Variants in ASIC2 observed in about 807,000 individuals in gnomAD.
ASIC2 encodes acid-sensing ion channel 2.
A neutral mutation model predicts 57.3 loss-of-function variants in ASIC2; 25 were observed. The observed-to-expected ratio is 0.44, with a 90% CI of 0.32 to 0.61. The LOEUF (loss-of-function observed/expected upper bound fraction) is 0.61, where lower values mean the gene tolerates loss of function less well. Ranked by LOEUF, ASIC2 falls within the 20% of genes least tolerant of loss-of-function variation. The pLI, the probability that ASIC2 is intolerant of heterozygous loss-of-function variation, is 0.06. For synonymous variants in ASIC2, 319 were observed against 307.5 expected (o/e 1.04, Z -0.39); for missense variants, 641 against 738.1 (o/e 0.87, Z 1.52).
chr17:33,599,486 G>A (rs1905071520), intron 1 of ASIC2, among the ~76,000 whole-genome samples: 1 of 152,218 alleles, frequency 6.6e-6, no homozygotes, highest in Non-Finnish European at 1.5e-5. Flanking sequence ...GGTCCTCAAG[G>A]CCACCAGGTC....
intron 1 of ASIC2, among the ~76,000 whole-genome samples, chr17:33,236,843 C>T (rs1908313389): frequency 6.6e-6 from 1 of 152,174 alleles, no homozygotes; most frequent in Non-Finnish European, 1.5e-5. Flanking sequence ...GGAACTCCTG[C>T]AGCCACCAGA....
intron 1 of ASIC2, among the ~76,000 whole-genome samples, chr17:33,969,163 G>A (rs1905153979): frequency 1.3e-5 from 2 of 152,180 alleles, no homozygotes; most frequent in Admixed American, 1.3e-4. Flanking sequence ...GTAAGATTAG[G>A]CATAAGATGC....
At chr17:33,325,677 C>G (rs1243696752) in intron 1 of ASIC2, among the ~76,000 whole-genome samples, 11 of 152,062 alleles carry the variant, frequency 7.2e-5, no homozygotes, top group Non-Finnish European at 5.9e-5. Context: ...ACTCTGACCT[C>G]TCAATGGAGG....
Position 33,773,986 on chromosome 17 carries a change from G to C in ASIC2, c.555+381992C>G, listed in dbSNP as rs537962728. ...TCTTACCCATAGGTTTAGTCTTCTC[G>C]ACCTTCCTGGGAAGTATGCAGCATT... On this transcript the variant is annotated intron_variant, in intron 1 of 9. Coordinates refer to the ASIC2 transcript ENST00000359872. Among the ~76,000 whole-genome samples the C allele has an allele frequency of 3.3e-5, 5 of 152,002 alleles. No homozygotes were observed. In the East Asian group the frequency reaches 7.7e-4, roughly 24 times the overall value.
intron 1 of ASIC2, among the ~76,000 whole-genome samples, chr17:33,649,929 A>G (rs776668957): frequency 6.6e-6 from 1 of 152,236 alleles, no homozygotes; most frequent in South Asian, 2.1e-4. Flanking sequence ...AAAAATATAG[A>G]TAAATTATTT....
At position 34,047,818 on chromosome 17, in the gene ASIC2, A is replaced by G. The variant is rs780590591; in HGVS notation, c.555+108160T>C. ...GCCCTCATAAGTCAGTCAATATTCT[A>G]GGAACTGAAGATAAACTTGTAAAAG... On this transcript the variant is annotated intron_variant, in intron 1 of 9. Transcript: ENST00000359872. 7.7e-4 allele frequency among the ~76,000 whole-genome samples: 117 copies of G among 152,350 alleles called. 1 individual carries two copies. Among genetic ancestry groups the G allele is most frequent in the Middle Eastern group, 6.8e-3 (2 of 294 alleles).
chr17:33,985,642 T>A (rs1442201698), intron 1 of ASIC2, among the ~76,000 whole-genome samples: 2 of 152,198 alleles, frequency 1.3e-5, no homozygotes, highest in African/African-American at 2.4e-5. Flanking sequence ...TTAAGGCTGT[T>A]AAGAGGCTTT....
At chr17:33,445,435 ATAAAATAAAT>A (rs891707800) in intron 1 of ASIC2, among the ~76,000 whole-genome samples, 20 of 152,124 alleles carry the variant, frequency 1.3e-4, no homozygotes, top group South Asian at 2.1e-4. Context: ...TGTCTCTAAA[ATAAAATAAAT>A]TAAAATAAAT....
intron 3 of ASIC2, among the ~76,000 whole-genome samples, chr17:33,066,169 G>A (rs1156868018): frequency 6.6e-6 from 1 of 152,184 alleles, no homozygotes; most frequent in African/African-American, 2.4e-5. Context: ...GGAAGGCAAG[G>A]GCTTCATTGC....
intron 1 of ASIC2, among the ~76,000 whole-genome samples, chr17:33,718,124 T>C (rs974102827): frequency 2.6e-5 from 4 of 152,184 alleles, no homozygotes; most frequent in Admixed American, 2.6e-4. Context: ...TAAAATGGTA[T>C]AGGATTCGCA....
chr17:33,209,353 C>G (rs180762613), intron 1 of ASIC2, among the ~76,000 whole-genome samples: 1 of 152,074 alleles, frequency 6.6e-6, no homozygotes, highest in African/African-American at 2.4e-5. Context: ...AATAATTTGT[C>G]CTTGTGGGGG....
intron 1 of ASIC2, among the ~76,000 whole-genome samples, chr17:33,170,290 TATA>T (rs1905461032): frequency 1.3e-5 from 2 of 152,214 alleles, no homozygotes; most frequent in Non-Finnish European, 2.9e-5. Context: ...GAAGTTTAGA[TATA>T]AGAAAATCAT....
At chr17:33,634,383 C>T (rs1906276677) in intron 1 of ASIC2, among the ~76,000 whole-genome samples, 1 of 152,226 alleles carries the variant, frequency 6.6e-6, no homozygotes, top group Non-Finnish European at 1.5e-5. Context: ...CAAGGTTTAC[C>T]AGACCCTTCA....
At chr17:34,029,375 CAA>C (rs60189628) in intron 1 of ASIC2, among the ~76,000 whole-genome samples, 4,652 of 110,410 alleles carry the variant, frequency 0.042, 221 homozygotes, top group African/African-American at 0.12. Flanking sequence ...GTGCTAAAAC[CAA>C]AAAAAAAAAA....
At chr17:33,034,553 CT>C (rs1331090167) in intron 3 of ASIC2, among the ~76,000 whole-genome samples, 1 of 152,066 alleles carries the variant, frequency 6.6e-6, no homozygotes, top group African/African-American at 2.4e-5. Context: ...CCTATAATGT[CT>C]TAGTTTTTTT....
At chr17:34,083,119 CCACT>C (rs1485430996) in intron 1 of ASIC2, among the ~76,000 whole-genome samples, 2 of 151,130 alleles carry the variant, frequency 1.3e-5, no homozygotes, top group African/African-American at 2.4e-5. Context: ...TGCACTGCAC[CCACT>C]AACTCGTCAT....
At chr17:33,414,094 G>A (rs1910755046) in intron 1 of ASIC2, among the ~76,000 whole-genome samples, 1 of 152,138 alleles carries the variant, frequency 6.6e-6, no homozygotes. Context: ...CAGCCCAGTG[G>A]CCTACTCTTG....
chr17:33,558,843 T>A (rs1456994746), intron 1 of ASIC2, among the ~76,000 whole-genome samples: 1 of 152,144 alleles, frequency 6.6e-6, no homozygotes, highest in African/African-American at 2.4e-5. Context: ...CTCAGCCTAA[T>A]GCAACCTCTG....
chr17:33,951,429 A>T (rs1400084960), intron 1 of ASIC2, among the ~76,000 whole-genome samples: 1 of 152,090 alleles, frequency 6.6e-6, no homozygotes. Context: ...CCTGTGCTGT[A>T]TTACCATGGT....
Sources: gnomAD v4.1 joint callset for allele counts (sites outside exome capture counted in the v4.1 genomes callset) on GRCh38, gnomAD v4.1.1 for gene constraint, MANE v1.5 for transcripts, NCBI Gene and HGNC (gene_info 2026-07-23, HGNC 2026-07-21) for gene names.